Variants in PARM1 observed in about 807,000 individuals in gnomAD.
PARM1 encodes WSC4, cell wall integrity and stress response component 4 homolog.
In PARM1, 14 loss-of-function variants were observed where a neutral mutation model predicts 24.6. That is an observed-to-expected ratio of 0.57 (90% CI 0.38 to 0.89). PARM1 has a LOEUF of 0.89. PARM1 is among the 40% of genes least tolerant of loss of function. PARM1 has a pLI of 0.00. For missense variants in PARM1, 362 were observed against 380.4 expected (o/e 0.95, Z 0.40); for synonymous variants, 179 against 156.6 (o/e 1.14, Z -1.07).
At chr4:74,976,500 T>C (rs1183326514) in intron 1 of PARM1, among the ~76,000 whole-genome samples, 1 of 152,338 alleles carries the variant, frequency 6.6e-6, no homozygotes, top group East Asian at 1.9e-4. Context: ...TTCCACAGTT[T>C]AGTGGACTTT....
intron 1 of PARM1, among the ~76,000 whole-genome samples, chr4:74,979,278 G>T (rs771339304): frequency 2.6e-4 from 40 of 151,824 alleles, no homozygotes; most frequent in Non-Finnish European, 5.0e-4. Flanking sequence ...AATGATAAAG[G>T]GGATATCGCC....
chr4:74,974,151 G>A (rs1244538934), intron 1 of PARM1, among the ~76,000 whole-genome samples: 1 of 152,210 alleles, frequency 6.6e-6, no homozygotes, highest in Non-Finnish European at 1.5e-5. Context: ...CTTCCTCTGT[G>A]TGTGCTCTGT....
intron 1 of PARM1, among the ~76,000 whole-genome samples, chr4:74,977,212 A>T (rs1309545220): frequency 6.6e-6 from 1 of 152,234 alleles, no homozygotes; most frequent in Non-Finnish European, 1.5e-5. Flanking sequence ...AAGAATCATG[A>T]TAAAACATTA....
intron 3 of PARM1, 83 bp downstream of exon 3, chr4:75,034,044 C>T (rs1723324869): frequency 9.4e-7 from 1 of 1,067,778 alleles, no homozygotes; most frequent in African/African-American, 1.6e-5. Flanking sequence ...GATACTTGTT[C>T]CTTAATAGGT....
intron 1 of PARM1, among the ~76,000 whole-genome samples, chr4:74,951,211 A>C (rs934434676): frequency 9.8e-5 from 15 of 152,316 alleles, no homozygotes; most frequent in Admixed American, 7.8e-4. Flanking sequence ...GACAAATTTC[A>C]AAGGCACCAT....
intron 1 of PARM1, among the ~76,000 whole-genome samples, chr4:74,961,058 G>C (rs1448568802): frequency 6.6e-6 from 1 of 151,090 alleles, no homozygotes; most frequent in Non-Finnish European, 1.5e-5. Flanking sequence ...AGAAAGTCAA[G>C]GAAACAATGT....
intron 1 of PARM1, among the ~76,000 whole-genome samples, chr4:74,939,475 G>T (rs1001646891): frequency 1.3e-5 from 2 of 151,976 alleles, no homozygotes; most frequent in South Asian, 4.2e-4. Context: ...TGGTAGCAAT[G>T]ATCTTGCTAT....
At chr4:75,040,218 A>G (rs961031156) in intron 3 of PARM1, among the ~76,000 whole-genome samples, 2 of 152,198 alleles carry the variant, frequency 1.3e-5, no homozygotes, top group African/African-American at 4.8e-5. Context: ...AATCTGTTAA[A>G]CCACACAGAT....
rs77034188 is a variant in PARM1 at position 75,037,922 on chromosome 4, G to T, written c.848+3961G>T. On this transcript the variant is annotated intron_variant, in intron 3 of 3. Coordinates refer to ENST00000307428, the MANE Select transcript of PARM1 (RefSeq NM_015393.4). The stretch of plus-strand genomic sequence containing the variant: ...ACTAAGAACATGCACTCTGGGGCAA[G>T]TTTTCTTTTTTTGAGTCGAAGTCTC... 2.1e-3 allele frequency among the ~76,000 whole-genome samples: 318 copies of T among 152,242 alleles called. 2 individuals carry two copies. The highest frequency in any genetic ancestry group is 7.1e-3 in the African/African-American group (296 of 41,568).
chr4:74,981,211 C>T (rs1165782116), intron 1 of PARM1, among the ~76,000 whole-genome samples: 1 of 152,120 alleles, frequency 6.6e-6, no homozygotes, highest in Admixed American at 6.5e-5. Context: ...GCAATCTATC[C>T]ATCTGACAAA....
chr4:75,048,243 G>A lies in PARM1; in HGVS notation c.*1996G>A, dbSNP rs1435913396. ...AAAAAATTATTCCTAAACTCTCTAAGTGTGGACGGAGAATGAGCAAGCCCC... is the reference window on the plus strand; with the variant it reads ...AAAAAATTATTCCTAAACTCTCTAAATGTGGACGGAGAATGAGCAAGCCCC... On this transcript the variant is annotated 3_prime_UTR_variant, in exon 4 of 4. Coordinates refer to ENST00000307428, the MANE Select transcript of PARM1 (RefSeq NM_015393.4). The A allele has an allele frequency of 1.3e-5, 2 of 152,176 alleles. No individual in the cohort carries two copies. Among genetic ancestry groups the A allele is most frequent in the African/African-American group, 4.8e-5 (2 of 41,434 alleles). The allele number at this position is 152,176 out of a possible 1,614,324, so 9.4% of individuals were successfully genotyped here.
At chr4:74,988,600 T>C (rs1165460593) in intron 1 of PARM1, among the ~76,000 whole-genome samples, 1 of 152,192 alleles carries the variant, frequency 6.6e-6, no homozygotes, top group Non-Finnish European at 1.5e-5. Context: ...AAAAGTGTTA[T>C]TGGACAAGCA....
chr4:74,955,232 GA>G (rs957577775), intron 1 of PARM1, among the ~76,000 whole-genome samples: 4,701 of 140,166 alleles, frequency 0.034, 209 homozygotes, highest in African/African-American at 0.11. Flanking sequence ...TTTGAAAAAT[GA>G]AAAAAAAAAA....
intron 1 of PARM1, among the ~76,000 whole-genome samples, chr4:75,010,463 C>T (rs541185443): frequency 5.3e-5 from 8 of 152,154 alleles, no homozygotes; most frequent in Non-Finnish European, 1.2e-4. Context: ...TATATAGTTA[C>T]TGCCATTGAA....
chr4:74,970,692 G>C (rs1214436170), intron 1 of PARM1, among the ~76,000 whole-genome samples: 1 of 152,182 alleles, frequency 6.6e-6, no homozygotes, highest in Non-Finnish European at 1.5e-5. Context: ...CCTGGTAAAT[G>C]TCTACCCAGG....
intron 1 of PARM1, among the ~76,000 whole-genome samples, chr4:74,961,784 G>A (rs72860930): frequency 0.13 from 20,238 of 152,088 alleles, 1,809 homozygotes; most frequent in African/African-American, 0.25. Context: ...GAGAAAGTAT[G>A]TTACCACTAG....
At chr4:75,030,149 G>A (rs991065634) in intron 2 of PARM1, among the ~76,000 whole-genome samples, 20 of 152,248 alleles carry the variant, frequency 1.3e-4, no homozygotes, top group South Asian at 1.0e-3. Context: ...CAGGGAAAAC[G>A]GCTCAGAAGA....
intron 1 of PARM1, among the ~76,000 whole-genome samples, chr4:74,988,443 G>T (rs747698332): frequency 6.6e-6 from 1 of 152,188 alleles, no homozygotes; most frequent in Non-Finnish European, 1.5e-5. Flanking sequence ...GTGTAAATAT[G>T]GGAGAGAAGA....
intron 1 of PARM1, among the ~76,000 whole-genome samples, chr4:75,006,624 G>A (rs528409752): frequency 6.6e-6 from 1 of 152,266 alleles, no homozygotes; most frequent in East Asian, 1.9e-4. Context: ...TGTCTTTATA[G>A]CAGCATGATT....
Sources: allele counts gnomAD v4.1 joint callset (sites outside exome capture counted in the v4.1 genomes callset), GRCh38; gene constraint gnomAD v4.1.1; transcripts MANE v1.5; gene names NCBI Gene and HGNC (gene_info 2026-07-23, HGNC 2026-07-21).